FAM210A: variants seen among roughly 807,000 people sequenced by gnomAD.
FAM210A encodes mitochondrial inner membrane scaffold 1, also known as family with sequence similarity 210 member A.
A neutral mutation model predicts 25.3 loss-of-function variants in FAM210A; 13 were observed. The observed-to-expected ratio is 0.51, with a 90% CI of 0.33 to 0.82. FAM210A has a LOEUF of 0.82. Among genes scored for constraint, FAM210A ranks in the 40% least tolerant of loss-of-function variants. FAM210A has a pLI of 0.02. For missense variants in FAM210A, 319 were observed against 323.2 expected, an observed-to-expected ratio of 0.99 and a Z score of 0.10; for synonymous variants, 125 against 118.7, an observed-to-expected ratio of 1.05 and a Z score of -0.35.
At position 13,666,421 on chromosome 18, in the gene FAM210A, G is replaced by T; in HGVS notation, c.*59C>A. ...AAAATAATCAGACACATGTATCTTT[G>T]CCCATAGTTTCCAAAGGGTTAAAGT... On this transcript the variant is annotated 3_prime_UTR_variant, in exon 4 of 4. Transcript: ENST00000651643. 1.5e-6 allele frequency: 2 copies of T among 1,343,966 alleles called. No individual in the cohort carries two copies. The highest frequency in any genetic ancestry group is 1.0e-6 in the Non-Finnish European group (1 of 960,746). 83.3% of individuals were successfully genotyped at this position (1,343,966 alleles called of 1,614,324 possible). A position where few individuals can be genotyped will look rare whatever the true frequency, so the allele number is the denominator to read the frequency against.
At chr18:13,713,440 A>G (rs2043836515) in intron 1 of FAM210A, among the ~76,000 whole-genome samples, 1 of 152,172 alleles carries the variant, frequency 6.6e-6, no homozygotes, top group African/African-American at 2.4e-5. Flanking sequence ...CCTTCAGAGT[A>G]CTTCTTAAAC....
intron 1 of FAM210A, among the ~76,000 whole-genome samples, chr18:13,711,930 G>C (rs887752352): frequency 1.3e-5 from 2 of 152,134 alleles, no homozygotes; most frequent in African/African-American, 4.8e-5. Context: ...ATCAAATTCA[G>C]CCAAGGATCT....
chr18:13,670,086 T>A (rs566572594), intron 3 of FAM210A, among the ~76,000 whole-genome samples: 2 of 152,256 alleles, frequency 1.3e-5, no homozygotes, highest in African/African-American at 4.8e-5. Flanking sequence ...AAACACGTGC[T>A]GAGCATTTTA....
At chr18:13,692,790 A>G (rs2043658622) in intron 1 of FAM210A, among the ~76,000 whole-genome samples, 1 of 152,258 alleles carries the variant, frequency 6.6e-6, no homozygotes, top group South Asian at 2.1e-4. Flanking sequence ...CACAAGAGAA[A>G]GCAGGAAAGA....
chr18:13,686,253 T>A (rs1046572922), intron 1 of FAM210A, among the ~76,000 whole-genome samples: 1 of 152,196 alleles, frequency 6.6e-6, no homozygotes, highest in Non-Finnish European at 1.5e-5. Flanking sequence ...CAAAGAGACA[T>A]TAAAATGAGA....
chr18:13,701,771 T>G (rs1352484895), intron 1 of FAM210A, among the ~76,000 whole-genome samples: 1 of 152,254 alleles, frequency 6.6e-6, no homozygotes, highest in East Asian at 1.9e-4. Context: ...TTAAATCTAC[T>G]AACCTTTTAG....
intron 2 of FAM210A, among the ~76,000 whole-genome samples, chr18:13,676,669 T>A (rs1255248034): frequency 6.6e-6 from 1 of 152,210 alleles, no homozygotes; most frequent in Non-Finnish European, 1.5e-5. Flanking sequence ...GTTTCCTAAA[T>A]TGTCCCAGTA....
intron 1 of FAM210A, among the ~76,000 whole-genome samples, chr18:13,724,127 T>C (rs183941490): frequency 3.9e-5 from 6 of 152,294 alleles, no homozygotes; most frequent in East Asian, 1.9e-4. Context: ...GGTCCTTTCC[T>C]TGTCTTGGTG....
intron 1 of FAM210A, among the ~76,000 whole-genome samples, chr18:13,705,092 T>C (rs1568486875): frequency 6.6e-6 from 1 of 152,198 alleles, no homozygotes; most frequent in African/African-American, 2.4e-5. Context: ...GACTGGTTCA[T>C]AAAACTGCTA....
At position 13,724,299 on chromosome 18, in the gene FAM210A, T is replaced by C. The variant is rs558390383; in HGVS notation, c.-29+2030A>G. Among the ~76,000 whole-genome samples, 6 of 152,360 alleles carry C rather than the reference T, an allele frequency of 3.9e-5. No homozygotes were observed. The East Asian group carries it at 1.2e-3, about 29-fold the overall frequency. On this transcript the variant is annotated intron_variant, in intron 1 of 3. Coordinates refer to ENST00000651643, the MANE Select transcript of FAM210A (RefSeq NM_152352.4). ...TCTTCTAGCCAGCACTGTTTCATTA[T>C]TAGCAGAGTCTGGTCAATCAGCCAG... is the stretch of plus-strand genomic sequence containing the variant.
intron 1 of FAM210A, among the ~76,000 whole-genome samples, chr18:13,714,075 T>A (rs1283512276): frequency 6.6e-6 from 1 of 152,232 alleles, no homozygotes; most frequent in Non-Finnish European, 1.5e-5. Context: ...GTGGAGCTTT[T>A]CACTGACCCC....
chr18:13,705,847 T>C (rs1049258765), intron 1 of FAM210A, among the ~76,000 whole-genome samples: 2 of 152,212 alleles, frequency 1.3e-5, no homozygotes, highest in Non-Finnish European at 2.9e-5. Flanking sequence ...GCTTCAGGTA[T>C]ATTTGGCTAC....
At chr18:13,717,000 CTGTTTGCGGACTTCT>C (rs1403650747) in intron 1 of FAM210A, among the ~76,000 whole-genome samples, 1 of 152,180 alleles carries the variant, frequency 6.6e-6, no homozygotes, top group East Asian at 1.9e-4. Flanking sequence ...GGAGTGTGCT[CTGTTTGCGGACTTCT>C]TGTTACTATG....
At chr18:13,685,439 C>T (rs570644906) in intron 1 of FAM210A, among the ~76,000 whole-genome samples, 31 of 152,214 alleles carry the variant, frequency 2.0e-4, no homozygotes, top group Non-Finnish European at 3.2e-4. Context: ...AAACATTTGC[C>T]ATCTATTGTC....
intron 1 of FAM210A, among the ~76,000 whole-genome samples, chr18:13,724,702 C>A (rs775455133): frequency 6.6e-6 from 1 of 152,194 alleles, no homozygotes; most frequent in Non-Finnish European, 1.5e-5. Flanking sequence ...AAAATGTAAT[C>A]TCTATATATC....
intron 1 of FAM210A, among the ~76,000 whole-genome samples, chr18:13,712,952 T>A (rs2043833040): frequency 6.6e-6 from 1 of 152,188 alleles, no homozygotes; most frequent in East Asian, 1.9e-4. Context: ...AACAGACAGG[T>A]CACCTACTGA....
At chr18:13,689,740 T>C (rs1484999670) in intron 1 of FAM210A, among the ~76,000 whole-genome samples, 5 of 152,360 alleles carry the variant, frequency 3.3e-5, no homozygotes, top group East Asian at 1.9e-4. Context: ...TATGATATGA[T>C]TGTTTTTGTA....
At position 13,666,679 on chromosome 18, in the gene FAM210A, C is replaced by T; in HGVS notation, c.620G>A (p.Gly207Glu). Reference sequence around the variant, plus strand: ...ATACTTCACAGTGACAGATGTTCCTCCCAAAGTCACGGTATACCGAGCAGG... The same window carrying T: ...ATACTTCACAGTGACAGATGTTCCTTCCAAAGTCACGGTATACCGAGCAGG... The part of the protein sequence containing the change: ...ATPARYTVTL[G>E]GTSVTVKYLR... Residue 207 changes from glycine (G) to glutamate (E), a missense_variant, in exon 4 of 4, where the codon GGA becomes GAA. Gly to Glu is a moderately conservative substitution (Grantham distance 98). Coordinates refer to ENST00000651643, the MANE Select transcript of FAM210A (RefSeq NM_152352.4). 1 of 1,614,054 alleles carries T rather than the reference C, an allele frequency of 6.2e-7. No individual in the cohort carries two copies. The highest frequency in any genetic ancestry group is 8.5e-7 in the Non-Finnish European group (1 of 1,179,960).
chr18:13,717,383 T>C (rs1209965928), intron 1 of FAM210A, among the ~76,000 whole-genome samples: 1 of 152,186 alleles, frequency 6.6e-6, no homozygotes, highest in Non-Finnish European at 1.5e-5. Context: ...GCTCAAGTGA[T>C]CTTCCCACCC....
Sources: gnomAD v4.1 joint callset for allele counts (sites outside exome capture counted in the v4.1 genomes callset) on GRCh38, gnomAD v4.1.1 for gene constraint, MANE v1.5 for transcripts, NCBI Gene and HGNC (gene_info 2026-07-23, HGNC 2026-07-21) for gene names.